FAN1: variants seen among roughly 807,000 people sequenced by gnomAD.
FAN1 encodes fanconi-associated nuclease 1.
FAN1 carries 91 observed loss-of-function variants against 104.9 expected under a neutral mutation model. The observed-to-expected ratio is 0.87, with a 90% CI of 0.73 to 1.03. The LOEUF (loss-of-function observed/expected upper bound fraction) is 1.03. Ranked by LOEUF, FAN1 falls within the 50% of genes least tolerant of loss-of-function variation. FAN1 has a pLI of 0.00. For missense variants in FAN1, 1,263 were observed against 1,239.9 expected, an observed-to-expected ratio of 1.02 and a Z score of -0.28; for synonymous variants, 478 against 457.6, an observed-to-expected ratio of 1.04 and a Z score of -0.57.
rs11317050 is a variant in FAN1, at chr15:30,937,447, C to CTTTTTTTT, written c.*3+203_*3+210dup. Among the ~76,000 whole-genome samples, 2 of 78,978 alleles carry CTTTTTTTT rather than the reference C, an allele frequency of 2.5e-5. 1 individual carries two copies. Among genetic ancestry groups the CTTTTTTTT allele is most frequent in the African/African-American group, 1.0e-4 (2 of 19,618 alleles). The allele number at this position is 78,978 out of a possible 152,430, so 51.8% of individuals were successfully genotyped here. On this transcript the variant is annotated intron_variant, in intron 14 of 14. Transcript: ENST00000362065. ...TTGATTCCACACAGTGGGTAATAAA[C>CTTTTTTTT]TTTTTTTTTTTTTTTTTTTTTTGAG...
chr15:30,927,321 T>G (rs1027117985), intron 10 of FAN1: 2 of 985,392 alleles, frequency 2.0e-6, no homozygotes, highest in African/African-American at 3.5e-5. Flanking sequence ...CTAGCTCCAC[T>G]CCTGGCTGGG....
At position 30,943,081 on chromosome 15, in the gene FAN1, T is replaced by A. The variant is rs747148356; in HGVS notation, c.*1519T>A. The stretch of plus-strand genomic sequence containing the variant: ...TTGCTTATAGCAAATTCCTGCAAAA[T>A]AAATAAATAAATATTTGCAAAACTA... On this transcript the variant is annotated 3_prime_UTR_variant, in exon 15 of 15. Transcript: ENST00000362065. The A allele has an allele frequency of 6.6e-7, 1 of 1,523,626 alleles. No homozygotes were observed. Among genetic ancestry groups the A allele is most frequent in the Non-Finnish European group, 8.8e-7 (1 of 1,136,528 alleles). 94.4% of individuals were successfully genotyped at this position (1,523,626 alleles called of 1,614,324 possible). A position where few individuals can be genotyped will look rare whatever the true frequency, so the allele number is the denominator to read the frequency against.
intron 8 of FAN1, among the ~76,000 whole-genome samples, chr15:30,923,093 G>A (rs1367924287): frequency 6.6e-6 from 1 of 152,234 alleles, no homozygotes; most frequent in Non-Finnish European, 1.5e-5. Flanking sequence ...GATTTTTTCA[G>A]TGGCCCATTA....
At chr15:30,940,777 G>GA (rs1476822853) in intron 14 of FAN1, 38 of 987,148 alleles carry the variant, frequency 3.8e-5, no homozygotes, top group Non-Finnish European at 4.5e-5. Flanking sequence ...TTTAAAAAGT[G>GA]AAATTATATT....
chr15:30,919,782 CTTG>C (rs1417856170), intron 6 of FAN1, among the ~76,000 whole-genome samples: 1 of 151,938 alleles, frequency 6.6e-6, no homozygotes, highest in Non-Finnish European at 1.5e-5. Context: ...GGTCTTCATC[CTTG>C]TTGTCTTTAC....
intron 2 of FAN1, chr15:30,906,255 A>C (rs2061976470): frequency 2.3e-6 from 1 of 443,530 alleles, no homozygotes; most frequent in Non-Finnish European, 4.4e-6. Flanking sequence ...GCGTGTAATC[A>C]GGCTTTCCAT....
chr15:30,924,148 C>T (rs1391294878), intron 8 of FAN1, among the ~76,000 whole-genome samples: 1 of 152,238 alleles, frequency 6.6e-6, no homozygotes, highest in Non-Finnish European at 1.5e-5. Context: ...TGTTTCTGAG[C>T]TTCACCCGCA....
rs541982999 is a variant in FAN1 at position 30,934,027 on chromosome 15, C to T, written c.2917-3092C>T. Among the ~76,000 whole-genome samples the T allele has an allele frequency of 3.9e-5, 6 of 152,118 alleles. No homozygotes were observed. In the East Asian group the frequency reaches 9.7e-4, roughly 25 times the overall value. Reference sequence around the variant, plus strand: ...GGCCTCCCAAAATGCTGAGAGTATACCGTGCCCAGCCAATTTGTGTATTTC... The same window carrying T: ...GGCCTCCCAAAATGCTGAGAGTATATCGTGCCCAGCCAATTTGTGTATTTC... On this transcript the variant is annotated intron_variant, in intron 13 of 14. Coordinates refer to ENST00000362065, the MANE Select transcript of FAN1 (RefSeq NM_014967.5).
At chr15:30,924,382 G>A (rs1002068483) in intron 8 of FAN1, among the ~76,000 whole-genome samples, 2 of 152,202 alleles carry the variant, frequency 1.3e-5, no homozygotes, top group East Asian at 3.8e-4. Context: ...TGGTGATTCT[G>A]TGTTGAGCTT....
intron 13 of FAN1, among the ~76,000 whole-genome samples, chr15:30,934,599 T>A (rs181975611): frequency 1.8e-4 from 27 of 152,290 alleles, no homozygotes; most frequent in African/African-American, 6.5e-4. Flanking sequence ...CAGGCTGATC[T>A]CAAATCCCCA....
chr15:30,933,988 C>T (rs1256491386), intron 13 of FAN1, among the ~76,000 whole-genome samples: 3 of 152,106 alleles, frequency 2.0e-5, no homozygotes, highest in Non-Finnish European at 4.4e-5. Flanking sequence ...TCTCAAACTC[C>T]TGGGCTCCAC....
At position 30,941,719 on chromosome 15, in the gene FAN1, C is replaced by T. The variant is rs756234482; in HGVS notation, c.*157C>T. The T allele has an allele frequency of 1.9e-6, 3 of 1,613,952 alleles. No individual in the cohort carries two copies. Among genetic ancestry groups the T allele is most frequent in the Non-Finnish European group, 2.5e-6 (3 of 1,179,860 alleles). On this transcript the variant is annotated 3_prime_UTR_variant, in exon 15 of 15. Transcript: ENST00000362065. ...GGGGGCCACTGCGCTGTTGCCGCAG[C>T]ATCCTGCTCAGTACGTCGACTTCAT...
chr15:30,928,506 TTGTGTGTGTG>T (rs61136501), intron 10 of FAN1, 37 bp from the exon 11 acceptor site: 50 of 1,484,504 alleles, frequency 3.4e-5, no homozygotes, highest in Middle Eastern at 3.9e-4. Flanking sequence ...AAAACAGATT[TTGTGTGTGTG>T]TGTGTGTGTG....
At chr15:30,922,442 AT>A (rs1462932504) in intron 8 of FAN1, 88 bp downstream of exon 8, 1 of 1,288,930 alleles carries the variant, frequency 7.8e-7, no homozygotes, top group Non-Finnish European at 1.1e-6. Context: ...TAAAATTTAC[AT>A]GTAATTAGAA....
At chr15:30,905,950 G>C in intron 2 of FAN1, 53 bp downstream of exon 2, 6 of 1,517,754 alleles carry the variant, frequency 4.0e-6, no homozygotes, top group Non-Finnish European at 4.5e-6. Flanking sequence ...TTGCTGCTCT[G>C]ATTGGGGCAT....
rs373504503 is a variant in FAN1, at chr15:30,920,569, C to T, written c.1968C>T (p.Phe656=). 10 of 1,611,446 alleles carry T rather than the reference C, an allele frequency of 6.2e-6. No homozygotes were observed. The highest frequency in any genetic ancestry group is 8.5e-6 in the Non-Finnish European group (10 of 1,178,804). The change falls in exon 7 of 15, where the codon TTC becomes TTT. Residue 656 remains phenylalanine, a synonymous_variant. Transcript: ENST00000362065. ...SLRCHEDLPL[F]LRCFTVGWIY... is the part of the protein sequence containing the mutation. ...GATGCCACGAAGATTTACCACTCTT[C>T]CTGCGGTGTTTCACTGTTGGGTGGA...
chr15:30,923,192 T>C (rs2062376087), intron 8 of FAN1, among the ~76,000 whole-genome samples: 1 of 152,164 alleles, frequency 6.6e-6, no homozygotes, highest in Non-Finnish European at 1.5e-5. Context: ...ACTGAAAAAG[T>C]GCCTTGTTAC....
intron 6 of FAN1, 61 bp from the exon 7 acceptor site, chr15:30,920,484 A>C (rs1178223007): frequency 9.6e-7 from 1 of 1,047,062 alleles, no homozygotes; most frequent in Non-Finnish European, 1.5e-6. Context: ...GTCACTTGTT[A>C]TTATTGTCTT....
At chr15:30,906,305 AAATAC>A (rs1297455535) in intron 2 of FAN1, 2 of 459,846 alleles carry the variant, frequency 4.3e-6, no homozygotes, top group Non-Finnish European at 8.7e-6. Flanking sequence ...AAGTAGAATA[AAATAC>A]AATACAGGAA....
Sources: gnomAD v4.1 joint callset for allele counts (sites outside exome capture counted in the v4.1 genomes callset) on GRCh38, gnomAD v4.1.1 for gene constraint, MANE v1.5 for transcripts, NCBI Gene and HGNC (gene_info 2026-07-23, HGNC 2026-07-21) for gene names.